CACNA1C: variants seen among roughly 807,000 people sequenced by gnomAD.
CACNA1C encodes calcium voltage-gated channel subunit alpha1 C, also known as voltage-dependent L-type calcium channel subunit alpha-1C.
CACNA1C carries 30 observed loss-of-function variants against 229.0 expected under a neutral mutation model. That is an observed-to-expected ratio of 0.13 (90% confidence interval 0.10 to 0.18). CACNA1C has a LOEUF of 0.18. Among genes scored for constraint, CACNA1C ranks in the 10% least tolerant of loss-of-function variants. The pLI is 1.00. For missense variants in CACNA1C, 1,658 were observed against 2,845.0 expected (o/e 0.58, Z 9.49); for synonymous variants, 1,114 against 1,132.5 (o/e 0.98, Z 0.33).
At chr12:2,358,311 CTT>C (rs1555480355) in intron 3 of CACNA1C, among the ~76,000 whole-genome samples, 1 of 141,564 alleles carries the variant, frequency 7.1e-6, no homozygotes, top group Non-Finnish European at 1.5e-5. Context: ...GTGTGTGTCT[CTT>C]TGTCATCTTC....
Position 2,138,618 on chromosome 12 carries a change from C to T in CACNA1C, c.477+18188C>T, listed in dbSNP as rs904942435. On this transcript the variant is annotated intron_variant, in intron 3 of 46. Coordinates refer to ENST00000399655, the MANE Select transcript of CACNA1C (RefSeq NM_000719.7). Reference sequence around the variant, plus strand: ...GGTCACTTCCACGCTTCCTGCCCATCGGAGGAATGTTCCAGAGGTTATCCC... The same window carrying T: ...GGTCACTTCCACGCTTCCTGCCCATTGGAGGAATGTTCCAGAGGTTATCCC... 7.9e-5 allele frequency among the ~76,000 whole-genome samples: 12 copies of T among 150,964 alleles called. 1 individual carries two copies. Among genetic ancestry groups the T allele is most frequent in the African/African-American group, 1.7e-4 (7 of 41,386 alleles).
At chr12:2,435,824 C>T (rs1163968560) in intron 3 of CACNA1C, among the ~76,000 whole-genome samples, 1 of 152,200 alleles carries the variant, frequency 6.6e-6, no homozygotes, top group Non-Finnish European at 1.5e-5. Flanking sequence ...GCTCCTGAAG[C>T]AGGAGCGAGG....
intron 14 of CACNA1C, among the ~76,000 whole-genome samples, chr12:2,582,520 C>T (rs771848315): frequency 1.3e-5 from 2 of 152,210 alleles, no homozygotes; most frequent in Non-Finnish European, 2.9e-5. Context: ...GTCCTGACGC[C>T]TTACCCCCAG....
At chr12:2,139,326 C>G (rs2093898020) in intron 3 of CACNA1C, among the ~76,000 whole-genome samples, 1 of 151,212 alleles carries the variant, frequency 6.6e-6, no homozygotes, top group Non-Finnish European at 1.5e-5. Context: ...GGACAGCAGT[C>G]ATTGGATTAG....
intron 29 of CACNA1C, among the ~76,000 whole-genome samples, chr12:2,627,154 G>A (rs997477754): frequency 2.0e-5 from 3 of 152,122 alleles, no homozygotes; most frequent in African/African-American, 2.4e-5. Flanking sequence ...GCTGTGCAGC[G>A]TGTGTCTTGG....
At chr12:2,491,245 A>G (rs994502130) in intron 6 of CACNA1C, among the ~76,000 whole-genome samples, 8 of 152,202 alleles carry the variant, frequency 5.3e-5, no homozygotes, top group African/African-American at 1.9e-4. Context: ...ATTGACTGCA[A>G]GCAGGCGAGG....
At chr12:2,106,668 C>T (rs1177382898) in intron 1 of CACNA1C, among the ~76,000 whole-genome samples, 1 of 43,024 alleles carries the variant, frequency 2.3e-5, no homozygotes, top group African/African-American at 6.8e-5. Context: ...TCCACCTCAG[C>T]TGGGGCGTCC....
intron 3 of CACNA1C, among the ~76,000 whole-genome samples, chr12:2,277,427 A>C (rs949266699): frequency 8.0e-6 from 1 of 125,498 alleles, no homozygotes. Context: ...ACACACACAC[A>C]CTGAGGGCTG....
intron 3 of CACNA1C, among the ~76,000 whole-genome samples, chr12:2,235,743 A>T (rs1230255489): frequency 6.6e-6 from 1 of 152,152 alleles, no homozygotes; most frequent in Non-Finnish European, 1.5e-5. Context: ...GGTCTGAATG[A>T]CTAACAAAGA....
chr12:2,568,573 T>G (rs775664717), intron 13 of CACNA1C, among the ~76,000 whole-genome samples: 1 of 152,200 alleles, frequency 6.6e-6, no homozygotes, highest in African/African-American at 2.4e-5. Context: ...TACAGTTCAA[T>G]ATTATTCAGT....
At chr12:2,260,094 A>C (rs1332132811) in intron 3 of CACNA1C, among the ~76,000 whole-genome samples, 1 of 152,180 alleles carries the variant, frequency 6.6e-6, no homozygotes, top group Non-Finnish European at 1.5e-5. Flanking sequence ...CAGAAGGAAG[A>C]CCGACATCCT....
chr12:2,283,192 T>C (rs1297492530), intron 3 of CACNA1C, among the ~76,000 whole-genome samples: 1 of 152,164 alleles, frequency 6.6e-6, no homozygotes, highest in Non-Finnish European at 1.5e-5. Flanking sequence ...TGCCAGAGTG[T>C]GTCAGTGTGG....
chr12:2,057,817 C>A (rs1201079587), intron 1 of CACNA1C, among the ~76,000 whole-genome samples: 1 of 152,194 alleles, frequency 6.6e-6, no homozygotes, highest in Admixed American at 6.5e-5. Context: ...AACCAGAGGG[C>A]CCGGTGGTGC....
intron 3 of CACNA1C, among the ~76,000 whole-genome samples, chr12:2,383,918 G>A (rs956136065): frequency 1.3e-5 from 2 of 152,216 alleles, no homozygotes; most frequent in Non-Finnish European, 2.9e-5. Flanking sequence ...TAATTGATTA[G>A]CATTTCATCC....
rs2239129 is a variant in CACNA1C at position 2,648,616 on chromosome 12, C to T, written c.3945+109C>T. 699,136 of 926,002 alleles carry T rather than the reference C, an allele frequency of 0.76. 267,862 individuals carry two copies. Among genetic ancestry groups the T allele is most frequent in the Admixed American group, 0.84 (48,022 of 56,992 alleles). The allele number at this position is 926,002 out of a possible 1,614,324, so 57.4% of individuals were successfully genotyped here. A position where few individuals can be genotyped will look rare whatever the true frequency, so the allele number is the denominator to read the frequency against. On this transcript the variant is annotated intron_variant, in intron 31 of 46. Transcript: ENST00000399655. ...CCCTGGGAGCCCTGCCTGGCTCTCA[C>T]TGCATGTGGCCACTGTGTCTGCCGT...
At chr12:2,025,032 A>G (rs12580163) in intron 1 of CACNA1C, among the ~76,000 whole-genome samples, 8,160 of 152,166 alleles carry the variant, frequency 0.054, 1,018 homozygotes, top group East Asian at 0.53. Flanking sequence ...TCATTTATGC[A>G]TTTGTCACAG....
chr12:2,561,321 G>C (rs150066805), intron 11 of CACNA1C, among the ~76,000 whole-genome samples: 40 of 152,274 alleles, frequency 2.6e-4, no homozygotes, highest in Non-Finnish European at 4.4e-4. Flanking sequence ...TGTGCTCCCT[G>C]GTGGACCCGC....
At chr12:2,057,487 G>A (rs1042101510) in intron 1 of CACNA1C, among the ~76,000 whole-genome samples, 8 of 152,266 alleles carry the variant, frequency 5.3e-5, no homozygotes, top group Admixed American at 1.3e-4. Context: ...ACCTGTTGGG[G>A]CTGTGCTGCT....
chr12:2,135,609 T>A (rs1371654535), intron 3 of CACNA1C, among the ~76,000 whole-genome samples: 1 of 138,054 alleles, frequency 7.2e-6, no homozygotes, highest in Non-Finnish European at 1.5e-5. Context: ...GCCTCCCAGT[T>A]AGGCTGCTCA....
Sources: allele counts gnomAD v4.1 joint callset (sites outside exome capture counted in the v4.1 genomes callset), GRCh38; gene constraint gnomAD v4.1.1; transcripts MANE v1.5; gene names NCBI Gene and HGNC (gene_info 2026-07-23, HGNC 2026-07-21).